Variants in AGBL4 observed in about 807,000 individuals in gnomAD.
AGBL4 encodes cytosolic carboxypeptidase 6.
A neutral mutation model predicts 66.4 loss-of-function variants in AGBL4; 58 were observed. The ratio of observed to expected loss-of-function variants is 0.87; its 90% CI spans 0.71 to 1.09. The LOEUF is 1.09. Among genes scored for constraint, AGBL4 ranks in the 50% least tolerant of loss-of-function variants. The pLI is 0.00. For synonymous variants in AGBL4, 234 were observed against 222.9 expected (o/e 1.05, Z -0.44); for missense variants, 579 against 631.0 (o/e 0.92, Z 0.88).
rs192401200 is a variant in AGBL4 at position 48,830,362 on chromosome 1, G to A, written c.634+36829C>T. Among the ~76,000 whole-genome samples, 378 of 152,276 alleles carry A rather than the reference G, an allele frequency of 2.5e-3. 1 individual carries two copies. Among genetic ancestry groups the A allele is most frequent in the Non-Finnish European group, 4.4e-3 (301 of 68,026 alleles). ...ACAGATGAGAAAACACAAGTTCAGAGGGGTCATACAAATTGCCTGAGGTTA... is the reference window on the plus strand; with the variant it reads ...ACAGATGAGAAAACACAAGTTCAGAAGGGTCATACAAATTGCCTGAGGTTA... On this transcript the variant is annotated intron_variant, in intron 6 of 13. Transcript: ENST00000371839.
intron 1 of AGBL4, among the ~76,000 whole-genome samples, chr1:49,910,386 A>C (rs1383564017): frequency 6.6e-6 from 1 of 152,196 alleles, no homozygotes; most frequent in African/African-American, 2.4e-5. Flanking sequence ...TGACCTTGAC[A>C]AGAGCTTCAG....
intron 2 of AGBL4, among the ~76,000 whole-genome samples, chr1:49,769,182 A>G (rs1296561137): frequency 3.9e-5 from 6 of 152,056 alleles, no homozygotes; most frequent in African/African-American, 1.4e-4. Flanking sequence ...TCAAGCCAAG[A>G]GCCAAATAAA....
intron 3 of AGBL4, among the ~76,000 whole-genome samples, chr1:49,355,647 T>G (rs1311898502): frequency 6.6e-6 from 1 of 152,192 alleles, no homozygotes; most frequent in Non-Finnish European, 1.5e-5. Context: ...ATCTGACCTA[T>G]CTCTCTGACT....
intron 6 of AGBL4, among the ~76,000 whole-genome samples, chr1:48,831,686 T>C (rs991142961): frequency 1.3e-5 from 2 of 152,182 alleles, no homozygotes; most frequent in African/African-American, 4.8e-5. Context: ...GAAAGGGCAT[T>C]TGTGGATTGA....
rs376341188 is a variant in AGBL4, at chr1:49,696,359, C to T, written c.282+954G>A. Among the ~76,000 whole-genome samples the T allele has an allele frequency of 5.3e-5, 8 of 151,664 alleles. No homozygotes were observed. The South Asian group carries it at 1.2e-3, about 24-fold the overall frequency. ...ATAGGATTCGAAAGTATTATAAAAA[C>T]GTGCACTATTAAAAAAATGTAGCTG... On this transcript the variant is annotated intron_variant, in intron 3 of 13. Transcript: ENST00000371839.
At chr1:49,758,443 G>A (rs776706463) in intron 2 of AGBL4, among the ~76,000 whole-genome samples, 15 of 152,072 alleles carry the variant, frequency 9.9e-5, no homozygotes, top group Admixed American at 2.6e-4. Flanking sequence ...AGCTTATACC[G>A]TATGCTTGGA....
Position 50,001,760 on chromosome 1 carries a change from C to T in AGBL4, c.34+22003G>A, listed in dbSNP as rs80127818. ...ACACAGGCCCAGTTTTACCAAATCA[C>T]ATGGATTTTCCAAAGTCAGAAATTC... On this transcript the variant is annotated intron_variant, in intron 1 of 13. Transcript: ENST00000371839. 2.0e-5 allele frequency among the ~76,000 whole-genome samples: 3 copies of T among 152,160 alleles called. No individual in the cohort carries two copies. In the East Asian group the frequency reaches 5.8e-4, roughly 29 times the overall value.
intron 5 of AGBL4, among the ~76,000 whole-genome samples, chr1:48,966,562 C>G (rs538823146): frequency 6.6e-6 from 1 of 152,074 alleles, no homozygotes; most frequent in African/African-American, 2.4e-5. Context: ...AAAGAATATA[C>G]CCATTTTATT....
chr1:49,908,382 TAGTG>T (rs989627080), intron 1 of AGBL4, among the ~76,000 whole-genome samples: 1 of 152,110 alleles, frequency 6.6e-6, no homozygotes, highest in African/African-American at 2.4e-5. Context: ...GTCTTCACAA[TAGTG>T]AGTGAGTTAT....
intron 2 of AGBL4, among the ~76,000 whole-genome samples, chr1:49,748,582 CCA>C (rs1469865247): frequency 6.6e-6 from 1 of 152,170 alleles, no homozygotes; most frequent in Non-Finnish European, 1.5e-5. Flanking sequence ...TGAGGAATCG[CCA>C]CACAGTCTTC....
intron 4 of AGBL4, among the ~76,000 whole-genome samples, chr1:49,190,741 G>T (rs1450131410): frequency 6.6e-6 from 1 of 152,096 alleles, no homozygotes; most frequent in Non-Finnish European, 1.5e-5. Flanking sequence ...AAAGTTCTTA[G>T]AATTGTACAG....
chr1:48,944,688 C>T (rs1354956725), intron 5 of AGBL4, among the ~76,000 whole-genome samples: 1 of 152,178 alleles, frequency 6.6e-6, no homozygotes, highest in Non-Finnish European at 1.5e-5. Context: ...CCCCCCGCAA[C>T]CCTTCTCCTA....
intron 5 of AGBL4, among the ~76,000 whole-genome samples, chr1:48,926,302 C>T (rs956074653): frequency 7.9e-6 from 1 of 127,046 alleles, no homozygotes; most frequent in African/African-American, 3.4e-5. Context: ...TTTTTGGAGG[C>T]AGAGTCTCAC....
At chr1:49,478,338 AAAG>A (rs1353173669) in intron 3 of AGBL4, among the ~76,000 whole-genome samples, 4 of 151,978 alleles carry the variant, frequency 2.6e-5, no homozygotes, top group East Asian at 1.9e-4. Context: ...GAAGGAGAAG[AAAG>A]AAGAAGTAAA....
At chr1:49,503,939 T>C (rs1370350517) in intron 3 of AGBL4, among the ~76,000 whole-genome samples, 2 of 152,086 alleles carry the variant, frequency 1.3e-5, no homozygotes, top group East Asian at 1.9e-4. Context: ...AAAGGCATGA[T>C]TGTGTTTTGA....
rs536401431 is a variant in AGBL4 at position 49,370,216 on chromosome 1, AAT to A, written c.283-124354_283-124353del. Among the ~76,000 whole-genome samples the A allele has an allele frequency of 1.6e-3, 244 of 150,046 alleles. 1 individual carries two copies. The highest frequency in any genetic ancestry group is 5.6e-3 in the African/African-American group (229 of 41,066). ...TGTGTGGATAAAATATATATCACAT[AAT>A]ATATATATGCAGAGAGAGAGTGAGA... On this transcript the variant is annotated intron_variant, in intron 3 of 13. Coordinates refer to ENST00000371839, the MANE Select transcript of AGBL4 (RefSeq NM_032785.4).
In AGBL4 at chr1:49,285,972, G is replaced by A. The variant is rs147433776; in HGVS notation, c.283-40108C>T. Among the ~76,000 whole-genome samples the A allele has an allele frequency of 1.3e-4, 20 of 152,084 alleles. No homozygotes were observed. The South Asian group carries it at 1.9e-3, about 14-fold the overall frequency. On this transcript the variant is annotated intron_variant, in intron 3 of 13. Coordinates refer to ENST00000371839, the MANE Select transcript of AGBL4 (RefSeq NM_032785.4). ...GATGCAAAAATCCTCAATAAAATAC[G>A]GGCAAAATGAATCCAGCAGCACATC...
chr1:49,292,887 C>A (rs144179851), intron 3 of AGBL4, among the ~76,000 whole-genome samples: 75 of 152,320 alleles, frequency 4.9e-4, no homozygotes, highest in African/African-American at 1.6e-3. Context: ...TTTTCCTGGA[C>A]ACAAGATAAG....
intron 4 of AGBL4, among the ~76,000 whole-genome samples, chr1:49,085,751 G>A (rs2147967316): frequency 6.6e-6 from 1 of 152,124 alleles, no homozygotes; most frequent in South Asian, 2.1e-4. Context: ...GGTCCCCTGG[G>A]GGATTCATAC....
Sources: gnomAD v4.1 joint callset for allele counts (sites outside exome capture counted in the v4.1 genomes callset) on GRCh38, gnomAD v4.1.1 for gene constraint, MANE v1.5 for transcripts, NCBI Gene and HGNC (gene_info 2026-07-23, HGNC 2026-07-21) for gene names.